The following APOOL variants were observed in gnomAD, a reference collection of about 807,000 sequenced individuals.
APOOL encodes the protein apolipoprotein O like, also known as MICOS complex subunit MIC27.
In APOOL, 12 loss-of-function variants were observed where a neutral mutation model predicts 23.1. That is an observed-to-expected ratio of 0.52 (90% CI 0.33 to 0.84). APOOL has a LOEUF of 0.84. APOOL is among the 40% of genes least tolerant of loss of function. The pLI, the probability that APOOL is intolerant of heterozygous loss-of-function variation, is 0.02. For missense variants in APOOL, 212 were observed against 199.6 expected, an observed-to-expected ratio of 1.06 and a Z score of -0.37; for synonymous variants, 77 against 69.9, an observed-to-expected ratio of 1.10 and a Z score of -0.51.
At chrX:85,011,694 G>A (rs1238984275) in intron 1 of APOOL, among the ~76,000 whole-genome samples, 1 of 111,784 alleles carries the variant, frequency 8.9e-6, no homozygotes, top group African/African-American at 3.2e-5. Flanking sequence ...TGTTCCATTG[G>A]TCTACGTGCC....
intron 5 of APOOL, among the ~76,000 whole-genome samples, chrX:85,060,401 T>A (rs1460440020): frequency 9.3e-6 from 1 of 107,561 alleles, no homozygotes. Context: ...GTAGTTTTTT[T>A]CCAATTCTGT....
rs752212088 is a variant in APOOL at position 85,063,607 on chromosome X, G to C, written c.395-3520G>C. Among the ~76,000 whole-genome samples, 4 of 111,184 alleles carry C rather than the reference G, an allele frequency of 3.6e-5. No individual in the cohort carries two copies. In the East Asian group the frequency reaches 8.5e-4, roughly 24 times the overall value. On this transcript the variant is annotated intron_variant, in intron 5 of 8. Coordinates refer to ENST00000373173, the MANE Select transcript of APOOL (RefSeq NM_198450.6). ...GAATTTTATCAAAGGCCTTTTCTGC[G>C]TCTATTCAGATAATCATGTGGTTTT...
In APOOL at chrX:85,088,744, C is replaced by T. The variant is rs1471998617; in HGVS notation, c.*1066C>T. 1 of 110,448 alleles carries T rather than the reference C, an allele frequency of 9.1e-6. No individual in the cohort carries two copies. The highest frequency in any genetic ancestry group is 1.9e-5 in the Non-Finnish European group (1 of 52,861). 9.1% of individuals were successfully genotyped at this position (110,448 alleles called of 1,213,427 possible). A position where few individuals can be genotyped will look rare whatever the true frequency, so the allele number is the denominator to read the frequency against. On this transcript the variant is annotated 3_prime_UTR_variant, in exon 9 of 9. Coordinates refer to ENST00000373173, the MANE Select transcript of APOOL (RefSeq NM_198450.6). Reference sequence around the variant, plus strand: ...TCTAAGACATGCTTCTCTTTGTGTTCTTGACCTCATTCCTTCCCATCTAAG... The same window carrying T: ...TCTAAGACATGCTTCTCTTTGTGTTTTTGACCTCATTCCTTCCCATCTAAG...
At chrX:85,082,348 C>A (rs1408706239) in intron 8 of APOOL, among the ~76,000 whole-genome samples, 2 of 111,066 alleles carry the variant, frequency 1.8e-5, no homozygotes, top group East Asian at 2.8e-4. Flanking sequence ...ACACTCAGGA[C>A]CCTCAGCTGC....
At chrX:85,010,237 G>T (rs1318580326) in intron 1 of APOOL, among the ~76,000 whole-genome samples, 1 of 111,915 alleles carries the variant, frequency 8.9e-6, no homozygotes, top group Non-Finnish European at 1.9e-5. Flanking sequence ...GTATACAGTG[G>T]TATATCATTG....
chrX:85,005,623 C>T (rs769905865), intron 1 of APOOL, among the ~76,000 whole-genome samples: 1 of 111,202 alleles, frequency 9.0e-6, no homozygotes, highest in African/African-American at 3.3e-5. Flanking sequence ...CCTTTGTATC[C>T]GTAGTACCTA....
intron 6 of APOOL, among the ~76,000 whole-genome samples, chrX:85,073,210 A>G (rs1440385317): frequency 9.0e-6 from 1 of 111,546 alleles, no homozygotes; most frequent in African/African-American, 3.2e-5. Context: ...ATAATTTTTA[A>G]AAAATTTATG....
chrX:85,015,313 C>A lies in APOOL; in HGVS notation c.15+11386C>A, dbSNP rs376619830. 2.8e-4 allele frequency among the ~76,000 whole-genome samples: 31 copies of A among 110,317 alleles called. 2 individuals are homozygous for A. The East Asian group carries it at 4.6e-3, about 16-fold the overall frequency. ...AGTTTAATAATCAGCCTTCTAAATTCTTTATCTGGCAATTCAGAGATTTCT... is the reference window on the plus strand; with the variant it reads ...AGTTTAATAATCAGCCTTCTAAATTATTTATCTGGCAATTCAGAGATTTCT... On this transcript the variant is annotated intron_variant, in intron 1 of 8. Coordinates refer to ENST00000373173, the MANE Select transcript of APOOL (RefSeq NM_198450.6).
intron 5 of APOOL, among the ~76,000 whole-genome samples, chrX:85,058,504 T>C (rs1202667274): frequency 1.8e-5 from 2 of 111,976 alleles, no homozygotes; most frequent in African/African-American, 6.5e-5. Flanking sequence ...TTTCAAGTCT[T>C]TGCTATTGTG....
At chrX:85,035,474 T>G (rs191484290) in intron 1 of APOOL, among the ~76,000 whole-genome samples, 1 of 111,445 alleles carries the variant, frequency 9.0e-6, no homozygotes, top group African/African-American at 3.3e-5. Context: ...ATTTGTCAAT[T>G]TTTGCTTTTG....
intron 8 of APOOL, among the ~76,000 whole-genome samples, chrX:85,078,497 G>C (rs1330295126): frequency 5.4e-5 from 6 of 111,591 alleles, no homozygotes; most frequent in African/African-American, 2.0e-4. Flanking sequence ...GTGTAGCCTT[G>C]TAGTATAGTT....
chrX:85,015,237 T>A (rs1357298469), intron 1 of APOOL, among the ~76,000 whole-genome samples: 6 of 111,360 alleles, frequency 5.4e-5, no homozygotes, highest in East Asian at 2.8e-4. Flanking sequence ...CTGTATTTTT[T>A]AAAAAAATTA....
intron 5 of APOOL, among the ~76,000 whole-genome samples, chrX:85,060,671 C>T (rs1286411573): frequency 9.0e-6 from 1 of 110,987 alleles, no homozygotes; most frequent in Non-Finnish European, 1.9e-5. Flanking sequence ...CATGATTTGG[C>T]TCTCTGTTTG....
At chrX:85,042,838 A>C (rs752222252) in intron 1 of APOOL, among the ~76,000 whole-genome samples, 1 of 112,113 alleles carries the variant, frequency 8.9e-6, no homozygotes, top group East Asian at 2.8e-4. Context: ...TAAAATCATA[A>C]TAATCATTTC....
intron 6 of APOOL, among the ~76,000 whole-genome samples, chrX:85,072,669 A>G (rs1403105579): frequency 1.8e-5 from 2 of 111,492 alleles, no homozygotes; most frequent in Non-Finnish European, 3.8e-5. Flanking sequence ...ATTGTGGTGC[A>G]TACATTATAG....
intron 8 of APOOL, among the ~76,000 whole-genome samples, chrX:85,085,230 G>T (rs1176513349): frequency 9.0e-6 from 1 of 111,569 alleles, no homozygotes; most frequent in Non-Finnish European, 1.9e-5. Flanking sequence ...TGTGATTTCT[G>T]TTGGTGACAA....
chrX:85,076,980 A>G (rs1383931384), intron 8 of APOOL, among the ~76,000 whole-genome samples: 1 of 89,778 alleles, frequency 1.1e-5, no homozygotes, highest in Non-Finnish European at 2.0e-5. Context: ...TTTTTAGGTG[A>G]TAAATTTGCT....
At chrX:85,079,547 T>C (rs1652683505) in intron 8 of APOOL, among the ~76,000 whole-genome samples, 1 of 110,653 alleles carries the variant, frequency 9.0e-6, no homozygotes, top group South Asian at 3.8e-4. Context: ...TGGTCTAAAA[T>C]TCTCTTTTTT....
intron 1 of APOOL, among the ~76,000 whole-genome samples, chrX:85,033,115 A>G (rs1922099857): frequency 9.0e-6 from 1 of 111,703 alleles, no homozygotes; most frequent in Non-Finnish European, 1.9e-5. Context: ...AATATATACA[A>G]CTTCTTGGCT....
Sources: allele counts gnomAD v4.1 joint callset (sites outside exome capture counted in the v4.1 genomes callset), GRCh38; gene constraint gnomAD v4.1.1; transcripts MANE v1.5; gene names NCBI Gene and HGNC (gene_info 2026-07-23, HGNC 2026-07-21).